ERC2: variants seen among roughly 807,000 people sequenced by gnomAD.
ERC2 encodes the protein ERC protein 2.
Under a neutral mutation model 114.8 loss-of-function variants are expected in ERC2, and 42 were observed. The ratio of observed to expected loss-of-function variants is 0.37; its 90% CI spans 0.29 to 0.47. The LOEUF (loss-of-function observed/expected upper bound fraction) is 0.47. ERC2 is among the 20% of genes least tolerant of loss of function. The pLI, the probability that ERC2 is intolerant of heterozygous loss-of-function variation, is 0.99. For missense variants in ERC2, 939 were observed against 1,150.7 expected, an observed-to-expected ratio of 0.82 and a Z score of 2.66; for synonymous variants, 454 against 425.5, an observed-to-expected ratio of 1.07 and a Z score of -0.82.
At chr3:55,755,042 AAAT>A (rs1250060432) in intron 14 of ERC2, among the ~76,000 whole-genome samples, 5 of 152,136 alleles carry the variant, frequency 3.3e-5, no homozygotes, top group Non-Finnish European at 1.5e-5. Flanking sequence ...AAGTAATTAT[AAAT>A]AAAATGCTCA....
intron 2 of ERC2, among the ~76,000 whole-genome samples, chr3:56,431,081 T>G (rs1447527621): frequency 6.6e-6 from 1 of 152,144 alleles, no homozygotes; most frequent in East Asian, 1.9e-4. Flanking sequence ...AGCACCTACC[T>G]CAGATGACTG....
At chr3:55,916,148 G>T (rs746904777) in intron 13 of ERC2, among the ~76,000 whole-genome samples, 6 of 152,132 alleles carry the variant, frequency 3.9e-5, no homozygotes, top group Non-Finnish European at 8.8e-5. Flanking sequence ...TGGCAACAGC[G>T]TGGTGAGAAT....
chr3:56,330,129 G>C (rs533482555), intron 2 of ERC2, among the ~76,000 whole-genome samples: 1 of 152,088 alleles, frequency 6.6e-6, no homozygotes, highest in South Asian at 2.1e-4. Context: ...AACCTCCCAG[G>C]CTCAATTGAT....
intron 14 of ERC2, among the ~76,000 whole-genome samples, chr3:55,776,583 C>T (rs2068636995): frequency 6.6e-6 from 1 of 152,128 alleles, no homozygotes; most frequent in South Asian, 2.1e-4. Flanking sequence ...GCGTGAGTTA[C>T]TCATGTGAGC....
intron 14 of ERC2, among the ~76,000 whole-genome samples, chr3:55,854,275 AG>A (rs1470793352): frequency 5.9e-5 from 9 of 152,206 alleles, no homozygotes; most frequent in African/African-American, 1.9e-4. Context: ...ACTCCATCCC[AG>A]GGGAAAACAA....
At chr3:56,147,893 G>A (rs1400023245) in intron 5 of ERC2, among the ~76,000 whole-genome samples, 2 of 152,044 alleles carry the variant, frequency 1.3e-5, no homozygotes, top group Non-Finnish European at 2.9e-5. Flanking sequence ...TAAATATTCA[G>A]GTGCTTGGTC....
chr3:55,832,353 T>A (rs2060641760), intron 14 of ERC2, among the ~76,000 whole-genome samples: 1 of 152,142 alleles, frequency 6.6e-6, no homozygotes, highest in South Asian at 2.1e-4. Context: ...CTGGAAGGCA[T>A]CCCCCAGTAG....
At chr3:55,965,927 C>T (rs1051312912) in intron 12 of ERC2, among the ~76,000 whole-genome samples, 1 of 152,068 alleles carries the variant, frequency 6.6e-6, no homozygotes, top group African/African-American at 2.4e-5. Flanking sequence ...AACCACTTCC[C>T]CCTGATTAAA....
At chr3:55,983,685 T>C (rs955649949) in intron 12 of ERC2, among the ~76,000 whole-genome samples, 1 of 152,100 alleles carries the variant, frequency 6.6e-6, no homozygotes, top group Non-Finnish European at 1.5e-5. Context: ...AAACTTCAGA[T>C]TAGGAGGTGG....
At chr3:55,550,958 G>T (rs902020363) in intron 17 of ERC2, among the ~76,000 whole-genome samples, 1 of 150,492 alleles carries the variant, frequency 6.6e-6, no homozygotes, top group Non-Finnish European at 1.5e-5. Context: ...AGATCTTGTA[G>T]TGAGCTGAGA....
chr3:55,555,643 G>A (rs2055549751), intron 17 of ERC2, among the ~76,000 whole-genome samples: 1 of 152,224 alleles, frequency 6.6e-6, no homozygotes, highest in Non-Finnish European at 1.5e-5. Context: ...TAAACTTTCT[G>A]TCTTGGGTTC....
At chr3:55,866,991 T>G (rs1218036070) in intron 14 of ERC2, among the ~76,000 whole-genome samples, 1 of 152,156 alleles carries the variant, frequency 6.6e-6, no homozygotes, top group Non-Finnish European at 1.5e-5. Flanking sequence ...GATATAATTG[T>G]CTTGAATGAT....
chr3:56,279,093 C>T (rs557533700), intron 3 of ERC2, among the ~76,000 whole-genome samples: 1 of 152,058 alleles, frequency 6.6e-6, no homozygotes, highest in African/African-American at 2.4e-5. Context: ...ATACAGAAAC[C>T]CTCTGCCTGA....
At chr3:55,799,816 G>A (rs1179521085) in intron 14 of ERC2, among the ~76,000 whole-genome samples, 1 of 152,044 alleles carries the variant, frequency 6.6e-6, no homozygotes, top group Admixed American at 6.5e-5. Context: ...ATTAGAAACC[G>A]AGACTGTCCT....
At chr3:55,544,387 C>T (rs1352464912) in intron 17 of ERC2, among the ~76,000 whole-genome samples, 1 of 152,116 alleles carries the variant, frequency 6.6e-6, no homozygotes, top group African/African-American at 2.4e-5. Context: ...TGCCATTTGG[C>T]CTCCATTCCT....
Position 56,101,572 on chromosome 3 carries a change from C to T in ERC2, c.1474-20588G>A, listed in dbSNP as rs150129993. On this transcript the variant is annotated intron_variant, in intron 6 of 17. Transcript: ENST00000288221. ...GCCTCAGGAAAGTAAAGGACTTACC[C>T]ATGGCCCCACATCCACCGAAAATCA... is the stretch of plus-strand genomic sequence containing the variant. Among the ~76,000 whole-genome samples the T allele has an allele frequency of 4.8e-3, 724 of 152,224 alleles. 7 individuals are homozygous for T. Among genetic ancestry groups the T allele is most frequent in the East Asian group, 0.015 (79 of 5,168 alleles).
chr3:55,843,663 T>A (rs868110833), intron 14 of ERC2, among the ~76,000 whole-genome samples: 2 of 152,254 alleles, frequency 1.3e-5, no homozygotes, highest in South Asian at 4.1e-4. Flanking sequence ...TGTGGAATGT[T>A]TGCAGGGAGG....
At chr3:55,868,172 A>G (rs2062413238) in intron 14 of ERC2, among the ~76,000 whole-genome samples, 1 of 152,162 alleles carries the variant, frequency 6.6e-6, no homozygotes, top group Non-Finnish European at 1.5e-5. Context: ...CACTTTCAGG[A>G]CTTATTAGAA....
chr3:56,132,923 C>T lies in ERC2; in HGVS notation c.1473+6586G>A, dbSNP rs1035942121. On this transcript the variant is annotated intron_variant, in intron 6 of 17. Transcript: ENST00000288221. ...ACTAGGATTCTAAACTTCCTGAAAA[C>T]AATACCCTCCCTAGAGTTTGGGCAA... Among the ~76,000 whole-genome samples, 73 of 152,064 alleles carry T rather than the reference C, an allele frequency of 4.8e-4. 1 individual carries two copies. The highest frequency in any genetic ancestry group is 8.5e-4 in the Admixed American group (13 of 15,284).
Sources: gnomAD v4.1 joint callset for allele counts (sites outside exome capture counted in the v4.1 genomes callset) on GRCh38, gnomAD v4.1.1 for gene constraint, MANE v1.5 for transcripts, NCBI Gene and HGNC (gene_info 2026-07-23, HGNC 2026-07-21) for gene names.